Variants in LMF1 observed in about 807,000 individuals in gnomAD.
LMF1 encodes transmembrane protein 112.
A neutral mutation model predicts 60.6 loss-of-function variants in LMF1; 68 were observed. The ratio of observed to expected loss-of-function variants is 1.12; its 90% confidence interval spans 0.92 to 1.37. The LOEUF (loss-of-function observed/expected upper bound fraction) is 1.37, where lower values mean the gene tolerates loss of function less well. LMF1 is among the 40% of genes most tolerant of loss of function. The pLI, the probability that LMF1 is intolerant of heterozygous loss-of-function variation, is 0.00. For missense variants in LMF1, 948 were observed against 767.2 expected (o/e 1.24, Z -2.78); for synonymous variants, 418 against 324.7 (o/e 1.29, Z -3.09).
chr16:862,160 G>C (rs56132587), intron 10 of LMF1, among the ~76,000 whole-genome samples: 15,156 of 151,626 alleles, frequency 0.1, 2,310 homozygotes, highest in African/African-American at 0.33. Flanking sequence ...TTATATATTG[G>C]CAAATTCTAT....
At chr16:936,975 A>G (rs1324106882) in intron 2 of LMF1, among the ~76,000 whole-genome samples, 1 of 152,172 alleles carries the variant, frequency 6.6e-6, no homozygotes, top group East Asian at 1.9e-4. Context: ...CTAGCTAAAA[A>G]GACGCAGCCT....
At chr16:884,768 AGCTCTGG>A (rs2070258589) in intron 5 of LMF1, among the ~76,000 whole-genome samples, 1 of 150,780 alleles carries the variant, frequency 6.6e-6, no homozygotes, top group Admixed American at 6.6e-5. Flanking sequence ...AGGAGTGAAG[AGCTCTGG>A]AAATGGTGAT....
chr16:947,362 T>C (rs112267248), intron 2 of LMF1: 22,784 of 403,676 alleles, frequency 0.056, 1,061 homozygotes, highest in African/African-American at 0.17. Flanking sequence ...AGGCAGGTGG[T>C]GGAAAAGGTG....
intron 5 of LMF1, among the ~76,000 whole-genome samples, chr16:880,393 C>T (rs1318978868): frequency 6.6e-6 from 1 of 152,194 alleles, no homozygotes; most frequent in African/African-American, 2.4e-5. Context: ...CTATCAAGGC[C>T]AGGCACGGTG....
chr16:973,548 G>A (rs1413491780), upstream of LMF1, among the ~76,000 whole-genome samples: 3 of 152,264 alleles, frequency 2.0e-5, no homozygotes, highest in East Asian at 5.8e-4. Flanking sequence ...ACGGGGAGTG[G>A]GGAGCCAGTG....
chr16:914,072 C>T (rs976272266), intron 3 of LMF1, among the ~76,000 whole-genome samples: 6 of 152,130 alleles, frequency 3.9e-5, no homozygotes, highest in Non-Finnish European at 7.4e-5. Context: ...GAGGCCTGGG[C>T]GGCTGCAGCT....
intron 1 of LMF1, among the ~76,000 whole-genome samples, chr16:957,547 C>T (rs943006059): frequency 3.3e-5 from 5 of 152,302 alleles, no homozygotes; most frequent in African/African-American, 1.2e-4. Context: ...CTGAACCAAA[C>T]ACCCAGTCAG....
intron 10 of LMF1, among the ~76,000 whole-genome samples, chr16:860,276 T>G: frequency 6.6e-6 from 1 of 152,156 alleles, no homozygotes; most frequent in Non-Finnish European, 1.5e-5. Flanking sequence ...CTTTCACAGA[T>G]CATCTTTAAG....
chr16:888,926 CT>C (rs1434893124), intron 5 of LMF1, among the ~76,000 whole-genome samples: 2 of 152,206 alleles, frequency 1.3e-5, no homozygotes, highest in East Asian at 1.9e-4. Context: ...TGCATCCCCC[CT>C]CTCCTGTGCT....
rs2070694814 is a variant in LMF1 at position 897,356 on chromosome 16, C to T, written c.664-4284G>A. 6.6e-6 allele frequency among the ~76,000 whole-genome samples: 1 copy of T among 152,208 alleles called. No homozygotes were observed. The highest frequency in any genetic ancestry group is 6.5e-5 in the Admixed American group (1 of 15,286). Reference sequence around the variant, plus strand: ...TTGCACAGTGGCTCAGGACAGACCCCCAGCCCCTACAGTCCCCGAAAGCAC... The same window carrying T: ...TTGCACAGTGGCTCAGGACAGACCCTCAGCCCCTACAGTCCCCGAAAGCAC... On this transcript the variant is annotated intron_variant, in intron 4 of 10. Transcript: ENST00000262301. This position sits in a 1 kb window ranked among gnomAD's most constrained non-coding sequence, Gnocchi z 4.3.
chr16:978,780 C>G lies in LMF1; in HGVS notation c.-135+2365G>C, dbSNP rs76161662. 2.3e-3 allele frequency among the ~76,000 whole-genome samples: 357 copies of G among 152,164 alleles called. 1 individual carries two copies. The highest frequency in any genetic ancestry group is 8.1e-3 in the African/African-American group (338 of 41,496). On this transcript the variant is annotated intron_variant, in intron 1 of 6. Coordinates refer to the LMF1 transcript ENST00000570014. ...GGAGGAGGGTGTGTGTGCAGCTCCC[C>G]CCTGGATGAAGACATGGGCCCATCA...
chr16:937,530 C>CTGGGGTCTCTGTTGACTGACAGGTCGT (rs1443033470), intron 2 of LMF1, among the ~76,000 whole-genome samples: 1 of 150,130 alleles, frequency 6.7e-6, no homozygotes, highest in South Asian at 2.1e-4. Flanking sequence ...CGACAGGCTG[C>CTGGGGTCTCTGTTGACTGACAGGTCGT]TGGGGTCTCT....
At chr16:876,659 G>C (rs2069990333) in intron 6 of LMF1, among the ~76,000 whole-genome samples, 2 of 151,844 alleles carry the variant, frequency 1.3e-5, no homozygotes, top group African/African-American at 4.8e-5. Context: ...TGGAGCAAAG[G>C]ACGCAAGTGG....
Position 871,171 on chromosome 16 carries a change from C to T in LMF1, c.1068G>A (p.Glu356=). ...AGCTGAGCCACCTACCGAATCTGGG[C>T]TCGGGCCGGGCCCCTCGGATGTCCC... ...MQRDIRGARP[E]PRFGSVVRRA... The change falls in exon 7 of 11, where the codon GAG becomes GAA. Residue 356 remains glutamate (E), a synonymous_variant. Transcript: ENST00000262301. The T allele has an allele frequency of 6.3e-7, 1 of 1,593,380 alleles. No individual in the cohort carries two copies.
chr16:876,549 G>A (rs906051080), intron 6 of LMF1, among the ~76,000 whole-genome samples: 2 of 152,292 alleles, frequency 1.3e-5, no homozygotes, highest in East Asian at 1.9e-4. Context: ...AACTGGGAGG[G>A]GGGGATAAGG....
chr16:892,907 C>T lies in LMF1; in HGVS notation c.729+100G>A, dbSNP rs375762103. 125 of 903,020 alleles carry T rather than the reference C, an allele frequency of 1.4e-4. 1 individual carries two copies. The highest frequency in any genetic ancestry group is 1.9e-4 in the East Asian group (7 of 36,952). The allele number at this position is 903,020 out of a possible 1,614,324, so 55.9% of individuals were successfully genotyped here. ...AATCAATGGGGGTGACCCTGTGATG[C>T]GACAGCTCACCAGGGTGTGCAGGAC... On this transcript the variant is annotated intron_variant, in intron 5 of 10. Coordinates refer to ENST00000262301, the MANE Select transcript of LMF1 (RefSeq NM_022773.4).
At chr16:909,083 G>A (rs1291024706) in intron 4 of LMF1, among the ~76,000 whole-genome samples, 3 of 152,186 alleles carry the variant, frequency 2.0e-5, no homozygotes, top group Admixed American at 2.0e-4. Context: ...CTCATCATGA[G>A]AGGCCATGTA....
intron 3 of LMF1, 147 bp from the exon 4 acceptor site, chr16:911,226 T>A (rs2151754941): frequency 3.2e-6 from 3 of 932,198 alleles, no homozygotes; most frequent in African/African-American, 1.6e-5. Flanking sequence ...CGTATTAGTC[T>A]CAACATCGAC....
At chr16:893,533 C>G (rs909059421) in intron 4 of LMF1, among the ~76,000 whole-genome samples, 2 of 152,166 alleles carry the variant, frequency 1.3e-5, no homozygotes, top group Admixed American at 6.5e-5. Flanking sequence ...ACAAAGGGAG[C>G]CGAGGCGCAG....
Sources: gnomAD v4.1 joint callset for allele counts (sites outside exome capture counted in the v4.1 genomes callset) on GRCh38, gnomAD v4.1.1 for gene constraint, Gnocchi (gnomAD v3.1) non-coding constraint, MANE v1.5 for transcripts, NCBI Gene and HGNC (gene_info 2026-07-23, HGNC 2026-07-21) for gene names.